The following PTCD3 variants were observed in gnomAD, a reference collection of about 807,000 sequenced individuals.
The protein encoded by PTCD3 is small ribosomal subunit protein mS39.
A neutral mutation model predicts 101.9 loss-of-function variants in PTCD3; 89 were observed. The ratio of observed to expected loss-of-function variants is 0.87; its 90% CI spans 0.74 to 1.04. The LOEUF is 1.04. Among genes scored for constraint, PTCD3 ranks in the 50% least tolerant of loss-of-function variants. The pLI is 0.00. For missense variants in PTCD3, 870 were observed against 828.2 expected, an observed-to-expected ratio of 1.05 and a Z score of -0.62; for synonymous variants, 296 against 278.5, an observed-to-expected ratio of 1.06 and a Z score of -0.63.
intron 14 of PTCD3, among the ~76,000 whole-genome samples, chr2:86,128,986 G>C (rs1674447428): frequency 1.3e-5 from 2 of 152,192 alleles, no homozygotes; most frequent in South Asian, 2.1e-4. Context: ...ATTCTTTCTT[G>C]TGGATAGACT....
chr2:86,117,651 C>G (rs1452158855), intron 6 of PTCD3, among the ~76,000 whole-genome samples: 1 of 151,970 alleles, frequency 6.6e-6, no homozygotes, highest in Non-Finnish European at 1.5e-5. Flanking sequence ...AGAACAGGGT[C>G]TTGTCTCACT....
In PTCD3 at chr2:86,108,521, C is replaced by CA; in HGVS notation, c.185dup (p.Lys63GlufsTer5). 6.3e-7 allele frequency: 1 copy of CA among 1,593,248 alleles called. No individual in the cohort carries two copies. The highest frequency in any genetic ancestry group is 8.5e-7 in the Non-Finnish European group (1 of 1,174,094). ...TTAGGGATTGAAGAAGTAGTAATTC[C>CA]AAAAAAGAAAACTTGGTAAGTATTC... On this transcript the variant is annotated frameshift_variant, in exon 3 of 24. Transcript: ENST00000254630. LOFTEE classifies it high-confidence loss of function.
chr2:86,131,620 T>C (rs1674496237), intron 16 of PTCD3, among the ~76,000 whole-genome samples: 1 of 152,230 alleles, frequency 6.6e-6, no homozygotes, highest in African/African-American at 2.4e-5. Context: ...ATATTTCAGA[T>C]TTGCCTATTA....
chr2:86,123,382 T>C (rs1674329639), intron 8 of PTCD3, among the ~76,000 whole-genome samples: 1 of 152,218 alleles, frequency 6.6e-6, no homozygotes, highest in Non-Finnish European at 1.5e-5. Context: ...AAGCCAGATG[T>C]AGTCTCTGAG....
intron 17 of PTCD3, 176 bp downstream of exon 17, chr2:86,132,600 G>T: frequency 1.2e-5 from 5 of 404,574 alleles, no homozygotes; most frequent in East Asian, 4.5e-5. Context: ...AGATTTGAAA[G>T]ACTAGTTTGT....
In PTCD3 at chr2:86,121,460, T is replaced by A; in HGVS notation, c.539-19T>A. ...TCATTGTTTCAAGGTTTCTTTATCT[T>A]TCTGTCTCTTACCCACAGGAACCAC... On this transcript the variant is annotated intron_variant, in intron 7 of 23. Transcript: ENST00000254630. 6.8e-7 allele frequency: 1 copy of A among 1,477,332 alleles called. No individual in the cohort carries two copies. Among genetic ancestry groups the A allele is most frequent in the Non-Finnish European group, 9.3e-7 (1 of 1,077,984 alleles). 91.5% of individuals were successfully genotyped at this position (1,477,332 alleles called of 1,614,324 possible).
chr2:86,115,229 A>G (rs780925749), intron 4 of PTCD3, among the ~76,000 whole-genome samples: 41 of 152,180 alleles, frequency 2.7e-4, no homozygotes, highest in Non-Finnish European at 5.3e-4. Flanking sequence ...CAGGTCTGTT[A>G]ACTCTTTTCT....
intron 9 of PTCD3, 145 bp from the exon 10 acceptor site, chr2:86,124,850 T>A: frequency 8.7e-7 from 1 of 1,144,766 alleles, no homozygotes; most frequent in Non-Finnish European, 1.1e-6. Flanking sequence ...AAAATGATAA[T>A]AACCATAATA....
At chr2:86,129,321 G>A (rs1381293579) in intron 14 of PTCD3, among the ~76,000 whole-genome samples, 1 of 152,166 alleles carries the variant, frequency 6.6e-6, no homozygotes, top group Non-Finnish European at 1.5e-5. Context: ...TGGGGGTTCT[G>A]GGGGAGCTGT....
rs1674656295 is a variant in PTCD3, at chr2:86,140,058, C to G, written c.*2499C>G. ...ACTCAAATCTGGCACGTAGGTGCTT[C>G]TTAGTAAATGCTTAATGAATGCCAC... On this transcript the variant is annotated 3_prime_UTR_variant, in exon 24 of 24. Coordinates refer to ENST00000254630, the MANE Select transcript of PTCD3 (RefSeq NM_017952.6). 6 of 152,172 alleles carry G rather than the reference C, an allele frequency of 3.9e-5. No homozygotes were observed. The highest frequency in any genetic ancestry group is 3.9e-4 in the Admixed American group (6 of 15,284). The allele number at this position is 152,172 out of a possible 1,614,324, so 9.4% of individuals were successfully genotyped here.
At position 86,137,046 on chromosome 2, in the gene PTCD3, G is replaced by A. The variant is rs1427038474; in HGVS notation, c.1885G>A (p.Glu629Lys). The part of the protein sequence containing the change: ...KVSNSPSQAI[E>K]VVELASAFSL... ...GTCTAACAGCCCTTCCCAGGCCATTGAAGTAGTAGAGCTGGCAAGTGCCTT... is the reference window on the plus strand; with the variant it reads ...GTCTAACAGCCCTTCCCAGGCCATTAAAGTAGTAGAGCTGGCAAGTGCCTT... Residue 629 changes from glutamate to lysine, a missense_variant, in exon 23 of 24, where the codon GAA becomes AAA. Glu to Lys is a moderately conservative substitution (Grantham distance 56). Coordinates refer to ENST00000254630, the MANE Select transcript of PTCD3 (RefSeq NM_017952.6). 6.2e-7 allele frequency: 1 copy of A among 1,613,894 alleles called. No individual in the cohort carries two copies. The highest frequency in any genetic ancestry group is 8.5e-7 in the Non-Finnish European group (1 of 1,179,914).
intron 17 of PTCD3, 111 bp from the exon 18 acceptor site, chr2:86,133,063 TGTAA>T: frequency 6.9e-7 from 1 of 1,447,304 alleles, no homozygotes; most frequent in South Asian, 1.5e-5. Context: ...AACTTGAAAC[TGTAA>T]GTATTTTGAA....
Position 86,125,446 on chromosome 2 carries a change from C to T in PTCD3, c.805-9C>T. ...TGAATTTGATGATGCTTAATTTTTC[C>T]TTTTCCAGCACCGAGCTTATGAGCA... On this transcript the variant is annotated splice_polypyrimidine_tract_variant and intron_variant, in intron 10 of 23. Coordinates refer to ENST00000254630, the MANE Select transcript of PTCD3 (RefSeq NM_017952.6). 6.2e-7 allele frequency: 1 copy of T among 1,610,586 alleles called. No individual in the cohort carries two copies.
In PTCD3 at chr2:86,134,976, T is replaced by C. The variant is rs1265437152; in HGVS notation, c.1767T>C (p.Thr589=). The change falls in exon 21 of 24, where the codon ACT becomes ACC. Residue 589 remains threonine (T), a synonymous_variant. Transcript: ENST00000254630. ...TCCTCTTTTTAAGGGCTGGGAGAAC[T>C]CAGGAAGCCTGGTGAGTACAGTACC... ...IAILFLRAGR[T]QEAWKMLGLF... is the part of the protein sequence containing the mutation. 16 of 1,613,972 alleles carry C rather than the reference T, an allele frequency of 9.9e-6. No homozygotes were observed. Among genetic ancestry groups the C allele is most frequent in the African/African-American group, 2.7e-5 (2 of 74,928 alleles).
At chr2:86,128,892 T>A (rs929067789) in intron 14 of PTCD3, among the ~76,000 whole-genome samples, 1 of 152,238 alleles carries the variant, frequency 6.6e-6, no homozygotes, top group African/African-American at 2.4e-5. Context: ...AGGGCACATA[T>A]GAGGCACTCA....
rs148438138 is a variant in PTCD3 at position 86,127,979 on chromosome 2, T to C, written c.1135T>C (p.Phe379Leu). The C allele has an allele frequency of 2.2e-5, 35 of 1,608,548 alleles. No homozygotes were observed. The African/African-American group carries it at 4.5e-4, about 21-fold the overall frequency. ...AACATATCACCATATTATTCGCCTGTTTGATCAACCTGGTATGTATGGCCT... is the reference window on the plus strand; with the variant it reads ...AACATATCACCATATTATTCGCCTGCTTGATCAACCTGGTATGTATGGCCT... ...LATYHHIIRL[F>L]DQPGDPLKRS... Residue 379 changes from phenylalanine to leucine, a missense_variant, in exon 14 of 24, where the codon TTT becomes CTT. Coordinates refer to ENST00000254630, the MANE Select transcript of PTCD3 (RefSeq NM_017952.6).
chr2:86,127,833 T>C (rs985589498), intron 13 of PTCD3, 108 bp from the exon 14 acceptor site: 1 of 927,488 alleles, frequency 1.1e-6, no homozygotes, highest in African/African-American at 1.6e-5. Context: ...ATATTTTGCT[T>C]AAATATTAAC....
intron 8 of PTCD3, among the ~76,000 whole-genome samples, chr2:86,123,382 T>A (rs1674329639): frequency 6.6e-6 from 1 of 152,218 alleles, no homozygotes; most frequent in South Asian, 2.1e-4. Flanking sequence ...AAGCCAGATG[T>A]AGTCTCTGAG....
In PTCD3 at chr2:86,117,108, T is replaced by A; in HGVS notation, c.363T>A (p.Ile121=). 2 of 1,488,076 alleles carry A rather than the reference T, an allele frequency of 1.3e-6. No individual in the cohort carries two copies. Among genetic ancestry groups the A allele is most frequent in the Non-Finnish European group, 1.9e-6 (2 of 1,065,340 alleles). The allele number at this position is 1,488,076 out of a possible 1,614,324, so 92.2% of individuals were successfully genotyped here. ...GGGAGAATGTGGCCAAGTTTATTATTAATTCATACCCCAAATATTTTCAGA... is the reference window on the plus strand; with the variant it reads ...GGGAGAATGTGGCCAAGTTTATTATAAATTCATACCCCAAATATTTTCAGA... The part of the protein sequence containing the change: ...KSGENVAKFI[I]NSYPKYFQKD... Residue 121 remains isoleucine (I), a synonymous_variant, in exon 6 of 24, where the codon ATT becomes ATA. Coordinates refer to ENST00000254630, the MANE Select transcript of PTCD3 (RefSeq NM_017952.6).
Sources: allele counts gnomAD v4.1 joint callset (sites outside exome capture counted in the v4.1 genomes callset), GRCh38; gene constraint gnomAD v4.1.1; transcripts MANE v1.5; gene names NCBI Gene and HGNC (gene_info 2026-07-23, HGNC 2026-07-21).